Variants in DDIAS observed in about 807,000 individuals in gnomAD.
DDIAS encodes the protein DNA damage induced apoptosis suppressor, also known as DNA damage-induced apoptosis suppressor protein.
A neutral mutation model predicts 15.7 loss-of-function variants in DDIAS; 14 were observed. The observed-to-expected ratio is 0.89, with a 90% CI of 0.59 to 1.39. DDIAS has a LOEUF of 1.39. Among genes scored for constraint, DDIAS ranks in the 40% most tolerant of loss-of-function variants. The probability of loss-of-function intolerance (pLI) is 0.00; values close to 1 mark genes in which losing one functional copy is unlikely to be tolerated. For missense variants in DDIAS, 1,035 were observed against 1,130.9 expected (o/e 0.92, Z 1.22); for synonymous variants, 355 against 395.9 (o/e 0.90, Z 1.23).
At chr11:82,930,876 A>C (rs1860968462) in intron 5 of DDIAS, among the ~76,000 whole-genome samples, 1 of 152,182 alleles carries the variant, frequency 6.6e-6, no homozygotes. Flanking sequence ...TCCACAACAG[A>C]AGAGTGAGAA....
chr11:82,907,801 A>G lies in DDIAS; in HGVS notation c.-116-5486A>G, dbSNP rs533379068. Among the ~76,000 whole-genome samples, 6 of 152,312 alleles carry G rather than the reference A, an allele frequency of 3.9e-5. No individual in the cohort carries two copies. The South Asian group carries it at 1.0e-3, about 26-fold the overall frequency. On this transcript the variant is annotated intron_variant, in intron 1 of 5. Transcript: ENST00000533655. ...AGCAATCCTCCCACCTTGGCCTCCC[A>G]AAGTGCTGGGATTATAGGCCTGATC...
intron 1 of DDIAS, among the ~76,000 whole-genome samples, chr11:82,904,894 C>G (rs1388838479): frequency 2.6e-5 from 4 of 152,128 alleles, no homozygotes; most frequent in Admixed American, 2.6e-4. Context: ...CTTCTTCAAG[C>G]AACTTTCTGT....
Position 82,907,076 on chromosome 11 carries a change from C to G in DDIAS, c.-117+5254C>G, listed in dbSNP as rs539927051. 1.7e-4 allele frequency among the ~76,000 whole-genome samples: 26 copies of G among 152,210 alleles called. No homozygotes were observed. In the South Asian group the frequency reaches 4.6e-3, roughly 27 times the overall value. ...GATGAATTAAAGAGTAATTTAACTT[C>G]TGGGAAAACGTCCTAGAAAAGAAGA... is the stretch of plus-strand genomic sequence containing the variant. On this transcript the variant is annotated intron_variant, in intron 1 of 5. Coordinates refer to ENST00000533655, the MANE Select transcript of DDIAS (RefSeq NM_145018.4).
Position 82,934,074 on chromosome 11 carries a change from C to T in DDIAS, c.2736C>T (p.Thr912=). The T allele has an allele frequency of 6.2e-7, 1 of 1,611,398 alleles. No homozygotes were observed. The highest frequency in any genetic ancestry group is 1.3e-5 in the African/African-American group (1 of 74,794). The change falls in exon 6 of 6, where the codon ACC becomes ACT. Residue 912 remains threonine (T), a synonymous_variant. Transcript: ENST00000533655. ...AACTGAAACATATTAGACAAGGAAC[C>T]AATAAAGGTTTAATTAAGAAGAAAT... The part of the protein sequence containing the change: ...RKKLKHIRQG[T]NKGLIKKKLK...
Position 82,933,769 on chromosome 11 carries a change from T to G in DDIAS, c.2431T>G (p.Phe811Val). Residue 811 changes from phenylalanine (F) to valine (V), a missense_variant, in exon 6 of 6, where the codon TTC becomes GTC. Physicochemically the swap from Phe to Val is conservative, Grantham distance 50. Transcript: ENST00000533655. The stretch of plus-strand genomic sequence containing the variant: ...TGGTAACTATGAAAAAATAAGGATT[T>G]TCCCTGAAAATGACAAACAGCAAGC... ...LDGNYEKIRI[F>V]PENDKQQASP... 6.2e-7 allele frequency: 1 copy of G among 1,610,546 alleles called. No individual in the cohort carries two copies. Among genetic ancestry groups the G allele is most frequent in the Non-Finnish European group, 8.5e-7 (1 of 1,179,190 alleles).
Position 82,932,379 on chromosome 11 carries a change from C to G in DDIAS, c.1041C>G (p.Pro347=). 1 of 1,613,864 alleles carries G rather than the reference C, an allele frequency of 6.2e-7. No homozygotes were observed. The highest frequency in any genetic ancestry group is 8.5e-7 in the Non-Finnish European group (1 of 1,179,884). ...TATTCTCTTTGGAAATGCGAGAGCC[C>G]CTTGAGTCAAGTAATACAAAATCCT... is the stretch of plus-strand genomic sequence containing the variant. ...SNLFSLEMRE[P]LESSNTKSFH... is the part of the protein sequence containing the mutation. The change falls in exon 6 of 6, where the codon CCC becomes CCG. Residue 347 remains proline (P), a synonymous_variant. Transcript: ENST00000533655.
intron 3 of DDIAS, among the ~76,000 whole-genome samples, chr11:82,927,332 C>T (rs970214382): frequency 3.3e-5 from 5 of 152,198 alleles, no homozygotes; most frequent in African/African-American, 1.2e-4. Context: ...GGCTAACCTA[C>T]AGCACAAACT....
chr11:82,913,664 A>T (rs532973545), intron 2 of DDIAS: 1 of 430,264 alleles, frequency 2.3e-6, no homozygotes, highest in Admixed American at 3.0e-5. Context: ...GATGTATCAA[A>T]TGAGCACACT....
In DDIAS at chr11:82,931,887, A is replaced by G; in HGVS notation, c.549A>G (p.Gln183=). Residue 183 remains glutamine, a synonymous_variant, in exon 6 of 6, where the codon CAA becomes CAG. Transcript: ENST00000533655. The part of the protein sequence containing the change: ...AGFTVIDYFH[Q]LLQTFNFRKL... ...TTACTGTCATTGACTACTTCCATCA[A>G]CTTTTGCAGACTTTTAATTTCAGGA... 1 of 1,614,096 alleles carries G rather than the reference A, an allele frequency of 6.2e-7. No homozygotes were observed. Among genetic ancestry groups the G allele is most frequent in the Non-Finnish European group, 8.5e-7 (1 of 1,180,028 alleles).
chr11:82,910,953 T>G (rs1239976523), intron 1 of DDIAS, among the ~76,000 whole-genome samples: 1 of 152,206 alleles, frequency 6.6e-6, no homozygotes, highest in East Asian at 1.9e-4. Flanking sequence ...GTCACACAAA[T>G]TTTTTGGTTT....
chr11:82,901,847 G>A (rs1319898553), intron 1 of DDIAS, 25 bp downstream of exon 1: 1 of 152,184 alleles, frequency 6.6e-6, no homozygotes, highest in African/African-American at 2.4e-5. Flanking sequence ...GGGGTTCTCG[G>A]GAAGCCGAAG....
At position 82,934,129 on chromosome 11, in the gene DDIAS, A is replaced by G. The variant is rs1222925544; in HGVS notation, c.2791A>G (p.Lys931Glu). The change falls in exon 6 of 6, where the codon AAA (lysine) becomes GAA (glutamate). Residue 931 changes from lysine to glutamate, a missense_variant. Transcript: ENST00000533655. ...GAATATGCTTGCAGCAGTTGTTACG[A>G]AAAAGAAAACTCATAAATATAACTG... ...LKNMLAAVVT[K>E]KKTHKYNCKS... 1 of 1,609,326 alleles carries G rather than the reference A, an allele frequency of 6.2e-7. No individual in the cohort carries two copies. Among genetic ancestry groups the G allele is most frequent in the South Asian group, 1.1e-5 (1 of 89,366 alleles).
rs1418538586 is a variant in DDIAS at position 82,932,311 on chromosome 11, G to T, written c.973G>T (p.Val325Phe). 2 of 1,613,912 alleles carry T rather than the reference G, an allele frequency of 1.2e-6. No individual in the cohort carries two copies. The highest frequency in any genetic ancestry group is 1.7e-6 in the Non-Finnish European group (2 of 1,179,938). ...LGLQAKELSAVHSSHHEIGVN... is the reference protein window; with the variant it reads ...LGLQAKELSAFHSSHHEIGVN... ...CTTACAAGCTAAGGAGCTGAGTGCA[G>T]TTCACAGCAGTCATCATGAAATTGG... is the stretch of plus-strand genomic sequence containing the variant. The change falls in exon 6 of 6, where the codon GTT (valine) becomes TTT (phenylalanine). Residue 325 changes from valine (V) to phenylalanine (F), a missense_variant. Coordinates refer to ENST00000533655, the MANE Select transcript of DDIAS (RefSeq NM_145018.4).
chr11:82,933,611 C>A lies in DDIAS; in HGVS notation c.2273C>A (p.Ser758Ter). ...CSPTPHFQSD[S>*]EYNFENSQDF... is the part of the protein sequence containing the mutation. ...CCAACACCTCATTTTCAATCAGATT[C>A]AGAATATAATTTTGAAAATAGTCAA... is the stretch of plus-strand genomic sequence containing the variant. Residue 758 changes from serine to a stop codon, truncating the protein, a stop_gained, in exon 6 of 6, where the codon TCA becomes TAA. Transcript: ENST00000533655. LOFTEE classifies it low-confidence loss of function (END_TRUNC). 1 of 1,613,714 alleles carries A rather than the reference C, an allele frequency of 6.2e-7. No individual in the cohort carries two copies. The highest frequency in any genetic ancestry group is 8.5e-7 in the Non-Finnish European group (1 of 1,179,842).
intron 1 of DDIAS, among the ~76,000 whole-genome samples, chr11:82,912,823 A>C (rs1464761733): frequency 6.6e-6 from 1 of 152,200 alleles, no homozygotes; most frequent in Non-Finnish European, 1.5e-5. Context: ...AGTGAGAGAT[A>C]TGTGACTCTT....
intron 3 of DDIAS, among the ~76,000 whole-genome samples, chr11:82,917,512 T>G (rs1172737840): frequency 6.6e-6 from 1 of 152,208 alleles, no homozygotes; most frequent in East Asian, 1.9e-4. Context: ...GTTCATCGTG[T>G]ATATATACCA....
Position 82,904,721 on chromosome 11 carries a change from A to G in DDIAS, c.-117+2899A>G, listed in dbSNP as rs183252732. The stretch of plus-strand genomic sequence containing the variant: ...ATCAAGCCTTCTGGGTGATTTTGAT[A>G]TATGATAAAGTTTGAGAAATACTTG... On this transcript the variant is annotated intron_variant, in intron 1 of 5. Coordinates refer to ENST00000533655, the MANE Select transcript of DDIAS (RefSeq NM_145018.4). Among the ~76,000 whole-genome samples, 12 of 152,308 alleles carry G rather than the reference A, an allele frequency of 7.9e-5. No individual in the cohort carries two copies. The East Asian group carries it at 2.1e-3, about 27-fold the overall frequency.
At chr11:82,925,899 A>G (rs1860850736) in intron 3 of DDIAS, among the ~76,000 whole-genome samples, 1 of 151,544 alleles carries the variant, frequency 6.6e-6, no homozygotes, top group Non-Finnish European at 1.5e-5. Flanking sequence ...GAGGCAGGAG[A>G]ATCGCCTGAA....
chr11:82,920,422 G>A (rs1187125169), intron 3 of DDIAS, among the ~76,000 whole-genome samples: 1 of 151,994 alleles, frequency 6.6e-6, no homozygotes, highest in African/African-American at 2.4e-5. Flanking sequence ...CTGGGTTTCG[G>A]TTTGGTTTGT....
Sources: gnomAD v4.1 joint callset for allele counts (sites outside exome capture counted in the v4.1 genomes callset) on GRCh38, gnomAD v4.1.1 for gene constraint, MANE v1.5 for transcripts, NCBI Gene and HGNC (gene_info 2026-07-23, HGNC 2026-07-21) for gene names.